The following ARHGEF3 variants were observed in gnomAD, a reference collection of about 807,000 sequenced individuals.
The protein encoded by ARHGEF3 is 59.8 kDA protein.
Under a neutral mutation model 63.2 loss-of-function variants are expected in ARHGEF3, and 28 were observed. That is an observed-to-expected ratio of 0.44 (90% CI 0.33 to 0.61). The LOEUF is 0.61. Ranked by LOEUF, ARHGEF3 falls within the 20% of genes least tolerant of loss-of-function variation. The pLI is 0.03. For missense variants in ARHGEF3, 533 were observed against 659.3 expected (o/e 0.81, Z 2.10); for synonymous variants, 266 against 254.2 (o/e 1.05, Z -0.44).
At chr3:57,066,848 T>C (rs1361625318) in intron 1 of ARHGEF3, among the ~76,000 whole-genome samples, 2 of 152,144 alleles carry the variant, frequency 1.3e-5, no homozygotes, top group Non-Finnish European at 2.9e-5. Flanking sequence ...CAGAGAGCCT[T>C]TGGGCTCACT....
At chr3:56,753,346 C>T in intron 4 of ARHGEF3, 158 bp downstream of exon 4, 1 of 642,692 alleles carries the variant, frequency 1.6e-6, no homozygotes, top group African/African-American at 1.8e-5. Flanking sequence ...AGCTATTCTG[C>T]CCTCTTGTTT....
intron 2 of ARHGEF3, among the ~76,000 whole-genome samples, chr3:56,979,725 G>A (rs952330701): frequency 6.6e-6 from 1 of 152,234 alleles, no homozygotes; most frequent in Non-Finnish European, 1.5e-5. Context: ...AGCCAACGAG[G>A]ATGTGAATTC....
At chr3:57,049,855 G>A (rs919451906) in intron 1 of ARHGEF3, among the ~76,000 whole-genome samples, 1 of 152,150 alleles carries the variant, frequency 6.6e-6, no homozygotes, top group African/African-American at 2.4e-5. Flanking sequence ...TGTCAGCATC[G>A]TCCACATTCG....
At chr3:56,861,866 T>G (rs1014155343) in intron 4 of ARHGEF3, among the ~76,000 whole-genome samples, 1 of 13,512 alleles carries the variant, frequency 7.4e-5, no homozygotes, top group Admixed American at 9.1e-4. Context: ...AACCTGTTGG[T>G]TTTTTTTTTT....
At chr3:57,017,134 G>T (rs116102643) in intron 2 of ARHGEF3, among the ~76,000 whole-genome samples, 32 of 151,888 alleles carry the variant, frequency 2.1e-4, no homozygotes, top group African/African-American at 7.7e-4. Context: ...TCAAAGGTGA[G>T]GATTAAGTGT....
chr3:56,813,349 T>C (rs1396851754), intron 4 of ARHGEF3, among the ~76,000 whole-genome samples: 3 of 152,222 alleles, frequency 2.0e-5, no homozygotes, highest in African/African-American at 4.8e-5. Context: ...GTCTATCCCA[T>C]TTTAATGCAT....
intron 2 of ARHGEF3, chr3:56,977,437 T>C (rs766093076): frequency 2.5e-6 from 1 of 404,354 alleles, no homozygotes; most frequent in Non-Finnish European, 4.9e-6. Flanking sequence ...CCACACTTTA[T>C]GACCCAGGCA....
chr3:56,920,383 C>T (rs2042094527), intron 3 of ARHGEF3, among the ~76,000 whole-genome samples: 1 of 152,176 alleles, frequency 6.6e-6, no homozygotes, highest in Admixed American at 6.5e-5. Context: ...ATCACTAGAA[C>T]CAGAACCATG....
Position 56,801,765 on chromosome 3 carries a change from C to A in ARHGEF3, c.34G>T (p.Val12Phe). ...TCCAGGCTGCAGTTCGCTCTCTTGA[C>A]CGTGAGGTAGAAGGGGTAATCCTTG... ...VAKDYPFYLT[V>F]KRANCSLELP... Residue 12 changes from valine to phenylalanine, a missense_variant, in exon 1 of 10, where the codon GTC becomes TTC. By Grantham distance (50) the Val-to-Phe change is conservative. Coordinates refer to ENST00000296315, the MANE Select transcript of ARHGEF3 (RefSeq NM_019555.3). 6.4e-7 allele frequency: 1 copy of A among 1,569,214 alleles called. No individual in the cohort carries two copies. Among genetic ancestry groups the A allele is most frequent in the East Asian group, 2.3e-5 (1 of 42,924 alleles).
chr3:56,967,567 AAT>A (rs1453255152), intron 2 of ARHGEF3, among the ~76,000 whole-genome samples: 20 of 88,446 alleles, frequency 2.3e-4, no homozygotes, highest in African/African-American at 8.7e-4. Context: ...TATAATATAT[AAT>A]ATATATTATA....
At chr3:56,986,224 G>A (rs112436903) in intron 2 of ARHGEF3, among the ~76,000 whole-genome samples, 227 of 152,244 alleles carry the variant, frequency 1.5e-3, no homozygotes, top group African/African-American at 5.4e-3. Flanking sequence ...TTTAGGGGTG[G>A]ACAGATTTGG....
intron 3 of ARHGEF3, among the ~76,000 whole-genome samples, chr3:56,958,501 A>G (rs1700142447): frequency 6.6e-6 from 1 of 151,166 alleles, no homozygotes; most frequent in Admixed American, 6.6e-5. Context: ...GCTAATTTTC[A>G]TATTTTTTTT....
intron 2 of ARHGEF3, among the ~76,000 whole-genome samples, chr3:56,982,976 C>T (rs981130223): frequency 6.6e-6 from 1 of 152,186 alleles, no homozygotes; most frequent in Non-Finnish European, 1.5e-5. Flanking sequence ...CTTCCTTCTT[C>T]TTTCCTGCTT....
chr3:56,742,682 CCTGTGCGTATA>C (rs2034118011), intron 7 of ARHGEF3, among the ~76,000 whole-genome samples: 1 of 152,046 alleles, frequency 6.6e-6, no homozygotes. Flanking sequence ...AAAAAAAAAT[CCTGTGCGTATA>C]CTGTGTAAGT....
chr3:57,024,073 C>A (rs77838786), intron 2 of ARHGEF3, among the ~76,000 whole-genome samples: 215 of 152,298 alleles, frequency 1.4e-3, no homozygotes, highest in Middle Eastern at 6.8e-3. Flanking sequence ...ATGCACCCTT[C>A]ATACTCCCTT....
chr3:56,821,942 G>A (rs1393793595), intron 4 of ARHGEF3, among the ~76,000 whole-genome samples: 5 of 147,436 alleles, frequency 3.4e-5, no homozygotes, highest in Admixed American at 6.9e-5. Flanking sequence ...CAGCCTGGAC[G>A]ACAGAGAAAG....
intron 2 of ARHGEF3, among the ~76,000 whole-genome samples, chr3:56,978,732 C>T (rs1458116388): frequency 6.6e-6 from 1 of 152,138 alleles, no homozygotes; most frequent in Admixed American, 6.5e-5. Flanking sequence ...AAAGTTCATC[C>T]TAACGATAAT....
At chr3:56,961,130 AG>A (rs58790265) in intron 2 of ARHGEF3, among the ~76,000 whole-genome samples, 17,556 of 152,268 alleles carry the variant, frequency 0.12, 1,271 homozygotes, top group East Asian at 0.25. Flanking sequence ...TAATCTTATA[AG>A]GTAGCTTATT....
chr3:57,014,311 G>A (rs947184753), intron 2 of ARHGEF3, among the ~76,000 whole-genome samples: 1 of 152,188 alleles, frequency 6.6e-6, no homozygotes, highest in Non-Finnish European at 1.5e-5. Context: ...AAGTCAGTGA[G>A]ATCAAGAACA....
Sources: allele counts gnomAD v4.1 joint callset (sites outside exome capture counted in the v4.1 genomes callset), GRCh38; gene constraint gnomAD v4.1.1; transcripts MANE v1.5; gene names NCBI Gene and HGNC (gene_info 2026-07-23, HGNC 2026-07-21).